Variants in DNAH7 observed in about 807,000 individuals in gnomAD.
DNAH7 encodes axonemal beta dynein heavy chain 7.
A neutral mutation model predicts 444.6 loss-of-function variants in DNAH7; 397 were observed. The ratio of observed to expected loss-of-function variants is 0.89; its 90% CI spans 0.82 to 0.97. DNAH7 has a LOEUF of 0.97. DNAH7 is among the 50% of genes least tolerant of loss of function. The pLI is 0.00. For synonymous variants in DNAH7, 1,636 were observed against 1,624.4 expected (o/e 1.01, Z -0.17); for missense variants, 4,902 against 4,800.8 (o/e 1.02, Z -0.62).
At position 195,775,864 on chromosome 2, in the gene DNAH7, A is replaced by G. The variant is rs1384403435; in HGVS notation, c.11184T>C (p.Asp3728=). The G allele has an allele frequency of 6.2e-7, 1 of 1,614,026 alleles. No homozygotes were observed. The highest frequency in any genetic ancestry group is 8.5e-7 in the Non-Finnish European group (1 of 1,180,002). ...CACACACCTGTGTAAGAAGAATGTT[A>G]TCAAATAGCAGCTGAGTTTCTGACT... ...KDQSETQLLF[D]NILLTQSRSA... is the part of the protein sequence containing the mutation. The change falls in exon 60 of 65, where the codon GAT becomes GAC. Residue 3728 remains aspartate (D), a synonymous_variant. Coordinates refer to ENST00000312428, the MANE Select transcript of DNAH7 (RefSeq NM_018897.3).
chr2:196,039,148 A>T (rs1696572446), intron 5 of DNAH7, among the ~76,000 whole-genome samples: 1 of 152,230 alleles, frequency 6.6e-6, no homozygotes, highest in South Asian at 2.1e-4. Flanking sequence ...AAGTCTCAGC[A>T]AATGTAAAAA....
chr2:196,026,137 A>G (rs1005690221), intron 7 of DNAH7, among the ~76,000 whole-genome samples: 2 of 152,192 alleles, frequency 1.3e-5, no homozygotes, highest in African/African-American at 4.8e-5. Flanking sequence ...ACAACTGCTC[A>G]GTTTTGCTCT....
intron 1 of DNAH7, among the ~76,000 whole-genome samples, chr2:196,066,741 T>A (rs997336503): frequency 6.6e-6 from 1 of 152,226 alleles, no homozygotes; most frequent in Non-Finnish European, 1.5e-5. Context: ...GAGATGAATA[T>A]GTTAAAATCT....
chr2:196,018,500 C>T (rs1167405091), intron 9 of DNAH7, among the ~76,000 whole-genome samples: 1 of 151,926 alleles, frequency 6.6e-6, no homozygotes, highest in Non-Finnish European at 1.5e-5. Flanking sequence ...TTCATAGTAT[C>T]AGAAACTGAA....
chr2:195,890,599 G>A (rs1701959134), intron 31 of DNAH7, among the ~76,000 whole-genome samples: 1 of 152,164 alleles, frequency 6.6e-6, no homozygotes, highest in Non-Finnish European at 1.5e-5. Flanking sequence ...ATTGTGGCAA[G>A]ATAGGACCTA....
At chr2:195,748,126 C>T (rs1574361925) in intron 63 of DNAH7, among the ~76,000 whole-genome samples, 1 of 152,080 alleles carries the variant, frequency 6.6e-6, no homozygotes, top group Admixed American at 6.6e-5. Context: ...TGATAAGCAA[C>T]TTCAGCAATG....
intron 19 of DNAH7, among the ~76,000 whole-genome samples, chr2:195,953,543 C>T (rs1690415788): frequency 6.6e-6 from 1 of 152,188 alleles, no homozygotes; most frequent in Non-Finnish European, 1.5e-5. Flanking sequence ...ACAGCCGCCC[C>T]TTCCCATGGG....
chr2:195,810,178 A>G (rs1696898356), intron 51 of DNAH7, among the ~76,000 whole-genome samples: 1 of 152,166 alleles, frequency 6.6e-6, no homozygotes, highest in South Asian at 2.1e-4. Context: ...TTTATCTACA[A>G]AGCATTTCTG....
chr2:195,750,461 C>CA (rs1185682735), intron 63 of DNAH7, among the ~76,000 whole-genome samples: 50 of 152,182 alleles, frequency 3.3e-4, no homozygotes, highest in Non-Finnish European at 4.1e-4. Context: ...TATAATAATA[C>CA]AAAAAGAACT....
chr2:196,055,320 A>G (rs1163793370), intron 2 of DNAH7, among the ~76,000 whole-genome samples: 1 of 152,126 alleles, frequency 6.6e-6, no homozygotes, highest in South Asian at 2.1e-4. Flanking sequence ...TCCAGCCTGG[A>G]CAACACAGCA....
At chr2:195,958,168 C>T (rs964730687) in intron 18 of DNAH7, among the ~76,000 whole-genome samples, 3 of 152,040 alleles carry the variant, frequency 2.0e-5, no homozygotes, top group Non-Finnish European at 4.4e-5. Context: ...TCCCCTAACA[C>T]CCTCTCCCCC....
intron 25 of DNAH7, 41 bp from the exon 26 acceptor site, chr2:195,907,050 T>C (rs1456708375): frequency 6.8e-7 from 1 of 1,467,740 alleles, no homozygotes; most frequent in Non-Finnish European, 9.4e-7. Context: ...CTTTATCTGA[T>C]TCAATGTTGC....
chr2:195,826,347 C>G (rs1191796424), intron 48 of DNAH7, among the ~76,000 whole-genome samples: 1 of 152,140 alleles, frequency 6.6e-6, no homozygotes, highest in Non-Finnish European at 1.5e-5. Flanking sequence ...CATGCTGGCA[C>G]TGTATTTTCT....
Position 195,884,617 on chromosome 2 carries a change from C to T in DNAH7, c.5731G>A (p.Gly1911Arg). Residue 1911 changes from glycine to arginine, a missense_variant, in exon 35 of 65, where the codon GGA becomes AGA. By Grantham distance (125) the Gly-to-Arg change is moderately radical (BLOSUM62 -2). Transcript: ENST00000312428. The stretch of plus-strand genomic sequence containing the variant: ...ACAAATTGATAATCATAAATTGTTC[C>T]TTTTTCAGGAAATGGGACAGTTAGT... ...KALTVPFPEK[G>R]TIYDYQFVTE... 6.2e-7 allele frequency: 1 copy of T among 1,614,080 alleles called. No individual in the cohort carries two copies. Among genetic ancestry groups the T allele is most frequent in the Non-Finnish European group, 8.5e-7 (1 of 1,179,962 alleles).
chr2:196,005,489 C>G (rs1329031785), intron 10 of DNAH7, among the ~76,000 whole-genome samples: 4 of 151,624 alleles, frequency 2.6e-5, no homozygotes, highest in Non-Finnish European at 5.9e-5. Context: ...GAAAAAAGAG[C>G]AAAGACTCAA....
At chr2:195,837,388 A>G (rs952635567) in intron 47 of DNAH7, among the ~76,000 whole-genome samples, 1 of 152,238 alleles carries the variant, frequency 6.6e-6, no homozygotes, top group South Asian at 2.1e-4. Flanking sequence ...GATTACATCT[A>G]AAAATGTTGA....
chr2:195,830,655 G>C (rs1698022275), intron 48 of DNAH7, among the ~76,000 whole-genome samples: 1 of 152,148 alleles, frequency 6.6e-6, no homozygotes, highest in South Asian at 2.1e-4. Flanking sequence ...CAGAAAAAGA[G>C]GTATTTGAGC....
At chr2:195,916,822 G>A (rs994773851) in intron 24 of DNAH7, among the ~76,000 whole-genome samples, 2 of 151,542 alleles carry the variant, frequency 1.3e-5, no homozygotes, top group African/African-American at 4.8e-5. Flanking sequence ...TGCGTCAGCC[G>A]GGCGTGGTGG....
intron 1 of DNAH7, among the ~76,000 whole-genome samples, chr2:196,061,287 T>C (rs185777901): frequency 1.2e-4 from 18 of 152,222 alleles, no homozygotes; most frequent in Non-Finnish European, 2.1e-4. Flanking sequence ...AGCCCAAATA[T>C]TTTAAATATT....
Sources: allele counts gnomAD v4.1 joint callset (sites outside exome capture counted in the v4.1 genomes callset), GRCh38; gene constraint gnomAD v4.1.1; transcripts MANE v1.5; gene names NCBI Gene and HGNC (gene_info 2026-07-23, HGNC 2026-07-21).